PCDH1: variants seen among roughly 807,000 people sequenced by gnomAD.
PCDH1 encodes protocadherin-1.
Under a neutral mutation model 74.6 loss-of-function variants are expected in PCDH1, and 23 were observed. The ratio of observed to expected loss-of-function variants is 0.31; its 90% CI spans 0.22 to 0.44. PCDH1 has a LOEUF of 0.44. PCDH1 is among the 20% of genes least tolerant of loss of function. The probability of loss-of-function intolerance (pLI) is 1.00; values close to 1 mark genes in which losing one functional copy is unlikely to be tolerated. For synonymous variants in PCDH1, 647 were observed against 686.1 expected, an observed-to-expected ratio of 0.94 and a Z score of 0.89; for missense variants, 1,214 against 1,641.4, an observed-to-expected ratio of 0.74 and a Z score of 4.50.
intron 1 of PCDH1, among the ~76,000 whole-genome samples, chr5:141,877,723 A>G (rs1753276333): frequency 6.6e-6 from 1 of 152,100 alleles, no homozygotes; most frequent in Non-Finnish European, 1.5e-5. Flanking sequence ...GGATGTATGT[A>G]TGTGTGTATA....
chr5:141,873,967 C>CATACAGAAGTAGTATGCCACAT (rs1753158870), intron 1 of PCDH1, among the ~76,000 whole-genome samples: 1 of 152,192 alleles, frequency 6.6e-6, no homozygotes, highest in South Asian at 2.1e-4. Context: ...TGTCTTAAGT[C>CATACAGAAGTAGTATGCCACAT]ACAGAAGTAG....
intron 3 of PCDH1, chr5:141,862,778 G>A: frequency 9.7e-7 from 1 of 1,029,452 alleles, no homozygotes; most frequent in Non-Finnish European, 1.2e-6. Context: ...GCCCTCCCCT[G>A]GCAGACTCCC....
At position 141,862,904 on chromosome 5, in the gene PCDH1, C is replaced by G. The variant is rs541233699; in HGVS notation, c.3099+328G>C. 21 of 1,215,658 alleles carry G rather than the reference C, an allele frequency of 1.7e-5. No individual in the cohort carries two copies. The East Asian group carries it at 5.4e-4, about 31-fold the overall frequency. The allele number at this position is 1,215,658 out of a possible 1,614,324, so 75.3% of individuals were successfully genotyped here. A position where few individuals can be genotyped will look rare whatever the true frequency, so the allele number is the denominator to read the frequency against. ...TAGACTTCTTACCCATTTCCCTCCC[C>G]ACTTACGCTCACCTGCCTACCACCC... On this transcript the variant is annotated intron_variant, in intron 3 of 4. Coordinates refer to ENST00000287008, the MANE Select transcript of PCDH1 (RefSeq NM_032420.5).
intron 1 of PCDH1, among the ~76,000 whole-genome samples, chr5:141,873,470 G>A (rs541498261): frequency 1.4e-4 from 20 of 142,662 alleles, no homozygotes; most frequent in African/African-American, 5.2e-4. Context: ...TTCTTGAGAC[G>A]GAGTCTTGCT....
intron 1 of PCDH1, among the ~76,000 whole-genome samples, chr5:141,873,507 C>T (rs1280035603): frequency 1.6e-4 from 24 of 149,480 alleles, no homozygotes; most frequent in African/African-American, 4.7e-4. Flanking sequence ...AGTGCAGGGG[C>T]GCGATCCCGG....
chr5:141,863,140 C>G lies in PCDH1; in HGVS notation c.3099+92G>C. ...CCCAACACGGGCAGGCACAGTAAAC[C>G]TGCTCCATCACTCCCACACCTCGGT... On this transcript the variant is annotated intron_variant, in intron 3 of 4. Coordinates refer to ENST00000287008, the MANE Select transcript of PCDH1 (RefSeq NM_032420.5). The surrounding 1 kb of genome is among the most constrained non-coding windows in gnomAD (Gnocchi z 7.5). 1 of 1,468,794 alleles carries G rather than the reference C, an allele frequency of 6.8e-7. No homozygotes were observed. The highest frequency in any genetic ancestry group is 2.3e-5 in the East Asian group (1 of 43,064). The allele number at this position is 1,468,794 out of a possible 1,614,324, so 91.0% of individuals were successfully genotyped here.
intron 4 of PCDH1, among the ~76,000 whole-genome samples, chr5:141,855,065 A>G (rs1596543076): frequency 6.6e-6 from 1 of 151,666 alleles, no homozygotes; most frequent in Non-Finnish European, 1.5e-5. Context: ...TCAATTTCCC[A>G]GGCTCAGGCA....
chr5:141,869,235 G>A lies in PCDH1; in HGVS notation c.237C>T (p.Ala79=), dbSNP rs754999032. The A allele has an allele frequency of 1.1e-5, 17 of 1,613,424 alleles. No homozygotes were observed. Among genetic ancestry groups the A allele is most frequent in the Middle Eastern group, 3.3e-4 (2 of 6,084 alleles). The change falls in exon 2 of 5, where the codon GCC becomes GCT. Residue 79 remains alanine (A), a synonymous_variant. Coordinates refer to ENST00000287008, the MANE Select transcript of PCDH1 (RefSeq NM_032420.5). The surrounding 1 kb of genome is among the most constrained non-coding windows in gnomAD (Gnocchi z 4.9). ...GCCCCACATCTGGAAAACCATAGTC[G>A]GCTGCGAGGCTCCCAATGAGGGTGT... is the stretch of plus-strand genomic sequence containing the variant. ...PPNTLIGSLA[A]DYGFPDVGHL...
rs1752696950 is a variant in PCDH1, at chr5:141,864,039, G to A, written c.2292C>T (p.Leu764=). 1 of 1,614,070 alleles carries A rather than the reference G, an allele frequency of 6.2e-7. No individual in the cohort carries two copies. The highest frequency in any genetic ancestry group is 1.1e-5 in the South Asian group (1 of 91,086). ...CACCTGAATGTGACCCAATCTGGAA[G>A]AGTCCATAAGGGTTGCCACCTGCAA... ...YSIAGGNPYG[L]FQIGSHSGAI... The change falls in exon 3 of 5, where the codon CTC becomes CTT. Residue 764 remains leucine, a synonymous_variant. Coordinates refer to ENST00000287008, the MANE Select transcript of PCDH1 (RefSeq NM_032420.5). The surrounding 1 kb of genome is among the most constrained non-coding windows in gnomAD (Gnocchi z 5.9).
rs1003221174 is a variant in PCDH1 at position 141,861,625 on chromosome 5, A to T, written c.3099+1607T>A. On this transcript the variant is annotated intron_variant, in intron 3 of 4. Coordinates refer to ENST00000287008, the MANE Select transcript of PCDH1 (RefSeq NM_032420.5). Reference sequence around the variant, plus strand: ...TCCTCCAAGGACCCAAGGAGTTTTTACTTTGGGGGCCCCCCAGGGCATTGG... The same window carrying T: ...TCCTCCAAGGACCCAAGGAGTTTTTTCTTTGGGGGCCCCCCAGGGCATTGG... 2.6e-5 allele frequency among the ~76,000 whole-genome samples: 4 copies of T among 152,242 alleles called. No homozygotes were observed. The East Asian group carries it at 7.7e-4, about 29-fold the overall frequency.
At chr5:141,870,681 C>G (rs896841917) in intron 1 of PCDH1, among the ~76,000 whole-genome samples, 1 of 152,142 alleles carries the variant, frequency 6.6e-6, no homozygotes, top group Admixed American at 6.5e-5. Context: ...CAACAATAAC[C>G]CCCTTCTTCT....
rs118072514 is a variant in PCDH1, at chr5:141,854,508, A to T, written c.3320-72T>A. On this transcript the variant is annotated intron_variant, in intron 4 of 4. Coordinates refer to ENST00000287008, the MANE Select transcript of PCDH1 (RefSeq NM_032420.5). The stretch of plus-strand genomic sequence containing the variant: ...GCAAAGCTCTGCTTCATGGCCTCCC[A>T]CTGGCATCTACACCCCACCTCAGGA... 8.0e-5 allele frequency: 118 copies of T among 1,474,378 alleles called. 2 individuals are homozygous for T. The East Asian group carries it at 2.7e-3, about 34-fold the overall frequency. The allele number at this position is 1,474,378 out of a possible 1,614,324, so 91.3% of individuals were successfully genotyped here. A position where few individuals can be genotyped will look rare whatever the true frequency, so the allele number is the denominator to read the frequency against.
In PCDH1 at chr5:141,853,781, A is replaced by G. The variant is rs999378930; in HGVS notation, c.*261T>C. 10 of 376,700 alleles carry G rather than the reference A, an allele frequency of 2.7e-5. No individual in the cohort carries two copies. Among genetic ancestry groups the G allele is most frequent in the Non-Finnish European group, 4.3e-5 (9 of 210,308 alleles). The allele number at this position is 376,700 out of a possible 1,614,324, so 23.3% of individuals were successfully genotyped here. The stretch of plus-strand genomic sequence containing the variant: ...TCAAGGGAAGGAGCCCAGTCATTGC[A>G]GAGGAGCCCTCTTGGGCATCAGATG... On this transcript the variant is annotated 3_prime_UTR_variant, in exon 5 of 5. Transcript: ENST00000287008.
rs544345302 is a variant in PCDH1, at chr5:141,865,999, ATGTGTGATTTT to A, written c.904-583_904-573del. ...TATGATTGTGTCAGAATGTGTGATT[ATGTGTGATTTT>A]TGTGTGAGAAGGTATATGTGTTTGT... On this transcript the variant is annotated intron_variant, in intron 2 of 4. Transcript: ENST00000287008. The surrounding 1 kb of genome is among the most constrained non-coding windows in gnomAD (Gnocchi z 4.4). 630 of 952,206 alleles carry A rather than the reference ATGTGTGATTTT, an allele frequency of 6.6e-4. 4 individuals are homozygous for A. The African/African-American group carries it at 0.01, about 16-fold the overall frequency. 59.0% of individuals were successfully genotyped at this position (952,206 alleles called of 1,614,324 possible).
At chr5:141,866,320 G>A (rs1561484798) in intron 2 of PCDH1, 1 of 764,052 alleles carries the variant, frequency 1.3e-6, no homozygotes, top group Non-Finnish European at 1.6e-6. Flanking sequence ...CAGTGGGCTG[G>A]GCTCCCAGCA....
In PCDH1 at chr5:141,868,746, G is replaced by C. The variant is rs1386456776; in HGVS notation, c.726C>G (p.Arg242=). Residue 242 remains arginine (R), a synonymous_variant, in exon 2 of 5, where the codon CGC becomes CGG. Coordinates refer to ENST00000287008, the MANE Select transcript of PCDH1 (RefSeq NM_032420.5). The surrounding 1 kb of genome is among the most constrained non-coding windows in gnomAD (Gnocchi z 4.8). ...LIVMGNLDRE[R]WDSYDLTIKV... is the part of the protein sequence containing the mutation. The stretch of plus-strand genomic sequence containing the variant: ...TGATGGTGAGGTCATAGGAGTCCCA[G>C]CGCTCACGGTCCAGGTTGCCCATCA... The C allele has an allele frequency of 1.2e-6, 2 of 1,614,226 alleles. No homozygotes were observed. Among genetic ancestry groups the C allele is most frequent in the Non-Finnish European group, 1.7e-6 (2 of 1,180,030 alleles).
Position 141,863,132 on chromosome 5 carries a change from C to G in PCDH1, c.3099+100G>C. 1 of 1,459,764 alleles carries G rather than the reference C, an allele frequency of 6.9e-7. No homozygotes were observed. Among genetic ancestry groups the G allele is most frequent in the Non-Finnish European group, 9.1e-7 (1 of 1,103,296 alleles). The allele number at this position is 1,459,764 out of a possible 1,614,324, so 90.4% of individuals were successfully genotyped here. On this transcript the variant is annotated intron_variant, in intron 3 of 4. Coordinates refer to ENST00000287008, the MANE Select transcript of PCDH1 (RefSeq NM_032420.5). This position sits in a 1 kb window ranked among gnomAD's most constrained non-coding sequence, Gnocchi z 7.5. Reference sequence around the variant, plus strand: ...GGCTGGCCCCCAACACGGGCAGGCACAGTAAACCTGCTCCATCACTCCCAC... The same window carrying G: ...GGCTGGCCCCCAACACGGGCAGGCAGAGTAAACCTGCTCCATCACTCCCAC...
intron 1 of PCDH1, among the ~76,000 whole-genome samples, chr5:141,870,265 T>G (rs368051341): frequency 1.7e-4 from 25 of 149,650 alleles, no homozygotes; most frequent in African/African-American, 5.3e-4. Context: ...CGTGCACACA[T>G]GCCCCAGAGC....
Position 141,854,228 on chromosome 5 carries a change from T to G in PCDH1, c.3528A>C (p.Glu1176Asp). ...CGGGGGCCGTTTTGGTGTTCCGGTCTTCCGGGGGGCTGGGGCTGCCGGCGC... is the reference window on the plus strand; with the variant it reads ...CGGGGGCCGTTTTGGTGTTCCGGTCGTCCGGGGGGCTGGGGCTGCCGGCGC... ...PAGAGSPSPP[E>D]DRNTKTAPVR... is the part of the protein sequence containing the mutation. Residue 1176 changes from glutamate (E) to aspartate (D), a missense_variant, in exon 5 of 5, where the codon GAA (glutamate) becomes GAC (aspartate). By Grantham distance (45) the Glu-to-Asp change is conservative. This residue lies in a region of PCDH1 where 194 missense variants were observed against 198.3 expected (regional missense o/e 0.98). Coordinates refer to ENST00000287008, the MANE Select transcript of PCDH1 (RefSeq NM_032420.5). 1 of 1,611,646 alleles carries G rather than the reference T, an allele frequency of 6.2e-7. No individual in the cohort carries two copies. Among genetic ancestry groups the G allele is most frequent in the South Asian group, 1.1e-5 (1 of 90,832 alleles).
Sources: gnomAD v4.1 joint callset for allele counts (sites outside exome capture counted in the v4.1 genomes callset) on GRCh38, gnomAD v4.1.1 for gene constraint, gnomAD v4.1.1 regional missense constraint, Gnocchi (gnomAD v3.1) non-coding constraint, MANE v1.5 for transcripts, NCBI Gene and HGNC (gene_info 2026-07-23, HGNC 2026-07-21) for gene names.